Variants in RCL1 observed in about 807,000 individuals in gnomAD.
RCL1 encodes RNA 3'-terminal phosphate cyclase-like protein.
A neutral mutation model predicts 42.4 loss-of-function variants in RCL1; 24 were observed. The observed-to-expected ratio is 0.57, with a 90% CI of 0.41 to 0.80. RCL1 has a LOEUF of 0.80. Ranked by LOEUF, RCL1 falls within the 30% of genes least tolerant of loss-of-function variation. The probability of loss-of-function intolerance (pLI) is 0.00; values close to 1 mark genes in which losing one functional copy is unlikely to be tolerated. For missense variants in RCL1, 578 were observed against 467.9 expected (o/e 1.24, Z -2.17); for synonymous variants, 228 against 177.3 (o/e 1.29, Z -2.27).
intron 1 of RCL1, among the ~76,000 whole-genome samples, chr9:4,816,052 C>G (rs1234884120): frequency 1.3e-5 from 2 of 152,108 alleles, no homozygotes; most frequent in Non-Finnish European, 2.9e-5. Flanking sequence ...GTGTTAAAGT[C>G]TAGTTGTTTA....
chr9:4,852,237 T>A (rs1194297185), intron 8 of RCL1, among the ~76,000 whole-genome samples: 1 of 152,210 alleles, frequency 6.6e-6, no homozygotes, highest in Non-Finnish European at 1.5e-5. Context: ...AATAAAATAC[T>A]GTTGGATAAT....
Position 4,792,974 on chromosome 9 carries a change from G to T in RCL1, c.-118G>T. 8.5e-7 allele frequency: 1 copy of T among 1,170,826 alleles called. No homozygotes were observed. The highest frequency in any genetic ancestry group is 2.5e-5 in the Admixed American group (1 of 39,414). 72.5% of individuals were successfully genotyped at this position (1,170,826 alleles called of 1,614,324 possible). On this transcript the variant is annotated 5_prime_UTR_variant, in exon 1 of 9. In the 5' UTR this introduces an upstream ATG that the reference lacks. Transcript: ENST00000381750. ...ACGTGGACGCGTCTGGGCTGCTGGAGGCAGCCCGAGCCGCCGCCGTCGGTG... is the reference window on the plus strand; with the variant it reads ...ACGTGGACGCGTCTGGGCTGCTGGATGCAGCCCGAGCCGCCGCCGTCGGTG...
chr9:4,814,816 A>G (rs1234991672), intron 1 of RCL1, among the ~76,000 whole-genome samples: 1 of 151,982 alleles, frequency 6.6e-6, no homozygotes, highest in African/African-American at 2.4e-5. Context: ...GGCTAATAGT[A>G]ATGAATTTCC....
chr9:4,851,392 A>G (rs866773533), intron 8 of RCL1, among the ~76,000 whole-genome samples: 1 of 152,230 alleles, frequency 6.6e-6, no homozygotes, highest in Non-Finnish European at 1.5e-5. Flanking sequence ...GTAAGCTAGC[A>G]TAAAGACAGG....
At chr9:4,802,597 G>A (rs929545290) in intron 1 of RCL1, among the ~76,000 whole-genome samples, 1 of 151,860 alleles carries the variant, frequency 6.6e-6, no homozygotes, top group Non-Finnish European at 1.5e-5. Flanking sequence ...TTCACAAAAT[G>A]TTCATTTTTC....
intron 3 of RCL1, among the ~76,000 whole-genome samples, chr9:4,828,716 T>C (rs961478635): frequency 1.3e-5 from 2 of 152,180 alleles, no homozygotes; most frequent in African/African-American, 4.8e-5. Context: ...GCTTTTTTTT[T>C]CTATACTTGC....
intron 7 of RCL1, among the ~76,000 whole-genome samples, chr9:4,848,745 G>A (rs1817605366): frequency 6.6e-6 from 1 of 152,156 alleles, no homozygotes; most frequent in Non-Finnish European, 1.5e-5. Flanking sequence ...CTAAGCAGTT[G>A]TACCTCAGGA....
Position 4,849,304 on chromosome 9 carries a change from T to C in RCL1, c.868-143T>C, listed in dbSNP as rs1817631660. The stretch of plus-strand genomic sequence containing the variant: ...CAGTTAGTTGATACAATGATTACTC[T>C]TATAAGACCTGTATTCTGTTTTATT... On this transcript the variant is annotated intron_variant, in intron 7 of 8. Transcript: ENST00000381750. The C allele has an allele frequency of 1.1e-5, 7 of 630,402 alleles. No homozygotes were observed. The Admixed American group carries it at 1.7e-4, about 15-fold the overall frequency. 39.1% of individuals were successfully genotyped at this position (630,402 alleles called of 1,614,324 possible). A position where few individuals can be genotyped will look rare whatever the true frequency, so the allele number is the denominator to read the frequency against.
At chr9:4,830,897 T>C (rs1281315815) in intron 3 of RCL1, among the ~76,000 whole-genome samples, 1 of 152,200 alleles carries the variant, frequency 6.6e-6, no homozygotes, top group Non-Finnish European at 1.5e-5. Flanking sequence ...GGGTTTGATC[T>C]TTGCCTTTTC....
intron 1 of RCL1, among the ~76,000 whole-genome samples, chr9:4,802,214 A>C (rs961355230): frequency 3.3e-5 from 5 of 151,726 alleles, no homozygotes; most frequent in African/African-American, 1.2e-4. Flanking sequence ...TGTGAGCCAC[A>C]GCTCCTGGCC....
In RCL1 at chr9:4,860,176, T is replaced by G. The variant is rs745879273; in HGVS notation, c.1023T>G (p.Ile341Met). 1 of 1,610,626 alleles carries G rather than the reference T, an allele frequency of 6.2e-7. No individual in the cohort carries two copies. The highest frequency in any genetic ancestry group is 8.5e-7 in the Non-Finnish European group (1 of 1,178,520). Residue 341 changes from isoleucine (I) to methionine (M), a missense_variant, in exon 9 of 9, where the codon ATT becomes ATG. Coordinates refer to ENST00000381750, the MANE Select transcript of RCL1 (RefSeq NM_005772.5). ...LKSFFQIMFK[I>M]ETKPCGEELK... is the part of the protein sequence containing the mutation. ...GCTTTTTCCAGATTATGTTTAAAAT[T>G]GAAACCAAGCCATGTGGTGAAGAAC...
At chr9:4,802,188 G>C (rs993589674) in intron 1 of RCL1, among the ~76,000 whole-genome samples, 3 of 150,230 alleles carry the variant, frequency 2.0e-5, no homozygotes, top group African/African-American at 7.3e-5. Flanking sequence ...GGCTCTCAAA[G>C]TGCTGGGATT....
chr9:4,854,635 G>T (rs1176234351), intron 8 of RCL1, among the ~76,000 whole-genome samples: 1 of 152,144 alleles, frequency 6.6e-6, no homozygotes, highest in East Asian at 1.9e-4. Flanking sequence ...GGGAGGGGCT[G>T]TGTTTAAGGG....
At chr9:4,854,357 C>T (rs182594622) in intron 8 of RCL1, among the ~76,000 whole-genome samples, 1 of 152,298 alleles carries the variant, frequency 6.6e-6, no homozygotes, top group East Asian at 1.9e-4. Flanking sequence ...TAAAAGCTGC[C>T]ATGTAATGAC....
chr9:4,850,712 A>C (rs569277600), intron 8 of RCL1, among the ~76,000 whole-genome samples: 13 of 152,256 alleles, frequency 8.5e-5, no homozygotes, highest in South Asian at 8.3e-4. Context: ...AAACAATGCT[A>C]AAATAGACTT....
intron 3 of RCL1, among the ~76,000 whole-genome samples, chr9:4,831,937 A>G (rs1253564618): frequency 6.6e-6 from 1 of 152,192 alleles, no homozygotes; most frequent in Non-Finnish European, 1.5e-5. Context: ...CTGAGGCAAC[A>G]TAGCTAATTA....
chr9:4,810,236 A>G (rs1485310378), intron 1 of RCL1, among the ~76,000 whole-genome samples: 1 of 152,214 alleles, frequency 6.6e-6, no homozygotes, highest in Non-Finnish European at 1.5e-5. Flanking sequence ...TAACCAATAA[A>G]TGTACAGTTT....
intron 8 of RCL1, among the ~76,000 whole-genome samples, chr9:4,856,498 AC>A (rs1265728655): frequency 6.6e-6 from 1 of 152,164 alleles, no homozygotes; most frequent in Non-Finnish European, 1.5e-5. Flanking sequence ...CTTATACAGT[AC>A]CTTGTTTGAA....
At chr9:4,832,697 A>C (rs958403094) in intron 3 of RCL1, among the ~76,000 whole-genome samples, 4 of 150,594 alleles carry the variant, frequency 2.7e-5, no homozygotes, top group Admixed American at 1.3e-4. Flanking sequence ...AGTCCCAGCT[A>C]CTCAGGAGGC....
Sources: gnomAD v4.1 joint callset for allele counts (sites outside exome capture counted in the v4.1 genomes callset) on GRCh38, gnomAD v4.1.1 for gene constraint, MANE v1.5 for transcripts, NCBI Gene and HGNC (gene_info 2026-07-23, HGNC 2026-07-21) for gene names.